Variants in CNTN1 observed in about 807,000 individuals in gnomAD.
CNTN1 encodes contactin-1.
CNTN1 carries 38 observed loss-of-function variants against 126.4 expected under a neutral mutation model. The observed-to-expected ratio is 0.30, with a 90% CI of 0.23 to 0.39. The LOEUF (loss-of-function observed/expected upper bound fraction) is 0.39, where lower values mean the gene tolerates loss of function less well. Among genes scored for constraint, CNTN1 ranks in the 10% least tolerant of loss-of-function variants. The probability of loss-of-function intolerance (pLI) is 1.00; values close to 1 mark genes in which losing one functional copy is unlikely to be tolerated. For synonymous variants in CNTN1, 413 were observed against 422.6 expected (o/e 0.98, Z 0.28); for missense variants, 1,009 against 1,248.4 (o/e 0.81, Z 2.89).
chr12:40,775,481 T>C (rs970195148), intron 1 of CNTN1, among the ~76,000 whole-genome samples: 5 of 151,508 alleles, frequency 3.3e-5, no homozygotes, highest in African/African-American at 9.7e-5. Flanking sequence ...AATGTCTCTT[T>C]GATTACAGAT....
At chr12:40,693,985 TC>T (rs1182938060) in intron 1 of CNTN1, among the ~76,000 whole-genome samples, 1 of 152,242 alleles carries the variant, frequency 6.6e-6, no homozygotes, top group Non-Finnish European at 1.5e-5. Context: ...ATAATCTTCA[TC>T]CATTTCGCCG....
At chr12:40,822,933 T>C (rs959730960) in intron 1 of CNTN1, among the ~76,000 whole-genome samples, 28 of 152,176 alleles carry the variant, frequency 1.8e-4, no homozygotes, top group Admixed American at 3.3e-4. Flanking sequence ...CTGGTGTTTG[T>C]TGTTACCATC....
At chr12:40,996,441 C>CT (rs892096248) in intron 17 of CNTN1, among the ~76,000 whole-genome samples, 1 of 152,082 alleles carries the variant, frequency 6.6e-6, no homozygotes, top group African/African-American at 2.4e-5. Context: ...CTGAGTCTCA[C>CT]TTTTTTCATT....
intron 1 of CNTN1, among the ~76,000 whole-genome samples, chr12:40,735,352 G>T (rs903066505): frequency 2.0e-5 from 3 of 152,074 alleles, no homozygotes; most frequent in Non-Finnish European, 4.4e-5. Flanking sequence ...CACAAAGAAA[G>T]AAACGTAACT....
intron 15 of CNTN1, among the ~76,000 whole-genome samples, chr12:40,964,079 G>A (rs985314122): frequency 2.0e-5 from 3 of 152,098 alleles, no homozygotes; most frequent in East Asian, 1.9e-4. Context: ...TATTTCTGAT[G>A]TATTATAAAT....
chr12:41,064,110 C>T (rs1209100368), intron 23 of CNTN1, among the ~76,000 whole-genome samples: 1 of 149,752 alleles, frequency 6.7e-6, no homozygotes, highest in Non-Finnish European at 1.5e-5. Flanking sequence ...GGAGGCAGAG[C>T]TTTCAGTTAG....
intron 20 of CNTN1, among the ~76,000 whole-genome samples, chr12:41,020,671 G>A (rs1948886944): frequency 6.6e-6 from 1 of 151,910 alleles, no homozygotes; most frequent in Admixed American, 6.6e-5. Context: ...GCAAACAATT[G>A]GCCAAAATAA....
chr12:41,039,492 A>G (rs1436141351), intron 23 of CNTN1, among the ~76,000 whole-genome samples: 1 of 152,218 alleles, frequency 6.6e-6, no homozygotes, highest in Non-Finnish European at 1.5e-5. Flanking sequence ...ATATTAAAAC[A>G]GAATCATCTA....
At chr12:41,025,612 G>C (rs941964197) in intron 21 of CNTN1, among the ~76,000 whole-genome samples, 2 of 152,120 alleles carry the variant, frequency 1.3e-5, no homozygotes, top group Non-Finnish European at 2.9e-5. Flanking sequence ...CCATTAACTT[G>C]TCTTTACCCT....
At chr12:40,845,094 A>G (rs1488236125) in intron 1 of CNTN1, among the ~76,000 whole-genome samples, 1 of 152,234 alleles carries the variant, frequency 6.6e-6, no homozygotes, top group Non-Finnish European at 1.5e-5. Context: ...AGATATGCTC[A>G]GCATCAATAT....
At chr12:41,055,799 C>T (rs2121062989) in intron 23 of CNTN1, among the ~76,000 whole-genome samples, 1 of 152,252 alleles carries the variant, frequency 6.6e-6, no homozygotes, top group East Asian at 1.9e-4. Context: ...TAAGTTGGAT[C>T]ATGTCAATGT....
At chr12:40,855,451 T>C (rs1266692538) in intron 1 of CNTN1, among the ~76,000 whole-genome samples, 8 of 152,092 alleles carry the variant, frequency 5.3e-5, no homozygotes, top group East Asian at 3.9e-4. Flanking sequence ...CATTTTTTTC[T>C]TTTTAATTTC....
At chr12:41,020,750 GA>G (rs1165652296) in intron 20 of CNTN1, among the ~76,000 whole-genome samples, 3 of 152,162 alleles carry the variant, frequency 2.0e-5, no homozygotes, top group Non-Finnish European at 4.4e-5. Context: ...AAAAGCTAGT[GA>G]ATCTCAAGTT....
At chr12:40,816,267 A>C (rs1941252429) in intron 1 of CNTN1, among the ~76,000 whole-genome samples, 1 of 152,134 alleles carries the variant, frequency 6.6e-6, no homozygotes, top group African/African-American at 2.4e-5. Flanking sequence ...TCAGCTGTGA[A>C]TCCATCTGGT....
At chr12:40,964,520 AAGTG>A (rs1947227607) in intron 15 of CNTN1, among the ~76,000 whole-genome samples, 1 of 127,356 alleles carries the variant, frequency 7.9e-6, no homozygotes, top group Non-Finnish European at 1.7e-5. Flanking sequence ...AACACCGTGT[AAGTG>A]AGTGTGTGTG....
At chr12:40,834,858 A>G (rs1941988913) in intron 1 of CNTN1, among the ~76,000 whole-genome samples, 3 of 152,184 alleles carry the variant, frequency 2.0e-5, no homozygotes, top group Admixed American at 1.3e-4. Flanking sequence ...AAATTTAAAG[A>G]TGCTTACCAC....
chr12:40,810,666 G>A (rs2136503531), intron 1 of CNTN1, among the ~76,000 whole-genome samples: 1 of 151,664 alleles, frequency 6.6e-6, no homozygotes, highest in South Asian at 2.1e-4. Flanking sequence ...TGACACTTCA[G>A]TTAGCATAAT....
intron 1 of CNTN1, among the ~76,000 whole-genome samples, chr12:40,763,826 A>G (rs182351859): frequency 1.3e-5 from 2 of 152,200 alleles, no homozygotes; most frequent in Non-Finnish European, 2.9e-5. Context: ...TTCTAAGTAC[A>G]CTTATTTCCC....
chr12:41,048,973 C>T (rs1465363884), intron 23 of CNTN1, among the ~76,000 whole-genome samples: 2 of 152,160 alleles, frequency 1.3e-5, no homozygotes, highest in South Asian at 2.1e-4. Context: ...CAAAACAGCT[C>T]TTGTCGAGGT....
Sources: allele counts gnomAD v4.1 joint callset (sites outside exome capture counted in the v4.1 genomes callset), GRCh38; gene constraint gnomAD v4.1.1; transcripts MANE v1.5; gene names NCBI Gene and HGNC (gene_info 2026-07-23, HGNC 2026-07-21).